The following TBC1D2 variants were observed in gnomAD, a reference collection of about 807,000 sequenced individuals.
The protein encoded by TBC1D2 is TBC1 domain family member 2.
In TBC1D2, 58 loss-of-function variants were observed where a neutral mutation model predicts 91.1. That is an observed-to-expected ratio of 0.64 (90% CI 0.52 to 0.79). TBC1D2 has a LOEUF of 0.79. Ranked by LOEUF, TBC1D2 falls within the 30% of genes least tolerant of loss-of-function variation. The pLI, the probability that TBC1D2 is intolerant of heterozygous loss-of-function variation, is 0.00. For synonymous variants in TBC1D2, 482 were observed against 511.5 expected, an observed-to-expected ratio of 0.94 and a Z score of 0.78; for missense variants, 1,080 against 1,208.3, an observed-to-expected ratio of 0.89 and a Z score of 1.57.
intron 5 of TBC1D2, among the ~76,000 whole-genome samples, chr9:98,225,452 G>C (rs1829208907): frequency 6.6e-6 from 1 of 152,298 alleles, no homozygotes; most frequent in Middle Eastern, 3.4e-3. Context: ...TTTGGTGCTT[G>C]TGTCTCATAG....
intron 3 of TBC1D2, among the ~76,000 whole-genome samples, chr9:98,233,981 T>A (rs1397209940): frequency 6.6e-6 from 1 of 152,188 alleles, no homozygotes; most frequent in African/African-American, 2.4e-5. Context: ...TTCATCTGGT[T>A]TCATAACTAT....
chr9:98,233,726 C>T (rs1829431793), intron 3 of TBC1D2, among the ~76,000 whole-genome samples, 177 bp from the exon 4 acceptor site: 1 of 152,204 alleles, frequency 6.6e-6, no homozygotes, highest in Admixed American at 6.5e-5. Context: ...CTCCCAATCT[C>T]CTTTACCTAT....
At chr9:98,255,112 T>C (rs918343867) in intron 1 of TBC1D2, 61 bp downstream of exon 1, 51 of 1,550,708 alleles carry the variant, frequency 3.3e-5, no homozygotes, top group Non-Finnish European at 4.1e-5. Context: ...GCGCCCAGCC[T>C]TGCCCTGCGA....
At chr9:98,242,220 C>T (rs1829655598) in intron 3 of TBC1D2, among the ~76,000 whole-genome samples, 1 of 151,880 alleles carries the variant, frequency 6.6e-6, no homozygotes, top group Admixed American at 6.6e-5. Context: ...GGTGGGCAAA[C>T]CACGAGGTCA....
At chr9:98,245,648 CAG>C (rs1278051865) in intron 2 of TBC1D2, among the ~76,000 whole-genome samples, 1 of 152,138 alleles carries the variant, frequency 6.6e-6, no homozygotes, top group Non-Finnish European at 1.5e-5. Flanking sequence ...GCAATCTTAA[CAG>C]TGGTTTGAGC....
intron 8 of TBC1D2, 113 bp downstream of exon 8, chr9:98,210,543 A>C: frequency 9.8e-7 from 1 of 1,021,412 alleles, no homozygotes. Context: ...TGAAGATCAG[A>C]GGAGGTAGTG....
intron 1 of TBC1D2, among the ~76,000 whole-genome samples, chr9:98,252,662 G>C (rs1299337627): frequency 6.6e-6 from 1 of 152,202 alleles, no homozygotes; most frequent in Non-Finnish European, 1.5e-5. Context: ...AGTTGCCCAG[G>C]CATGTGGTGG....
At chr9:98,249,213 G>T (rs1018447942) in intron 2 of TBC1D2, among the ~76,000 whole-genome samples, 14 of 152,176 alleles carry the variant, frequency 9.2e-5, no homozygotes, top group Admixed American at 2.0e-4. Flanking sequence ...GGCGAGGAAA[G>T]GTTTCAAGAG....
At position 98,235,134 on chromosome 9, in the gene TBC1D2, C is replaced by T. The variant is rs1053078439; in HGVS notation, c.648-1585G>A. On this transcript the variant is annotated intron_variant, in intron 3 of 12. Coordinates refer to ENST00000465784, the MANE Select transcript of TBC1D2 (RefSeq NM_001267571.2). ...CAGAGAATCGCTTGAACCCGGGAGG[C>T]GGAGGTTGCAGTGAGCTGAGATTAC... 12 of 229,818 alleles carry T rather than the reference C, an allele frequency of 5.2e-5. No homozygotes were observed. In the South Asian group the frequency reaches 6.3e-4, roughly 12 times the overall value. The allele number at this position is 229,818 out of a possible 1,614,324, so 14.2% of individuals were successfully genotyped here. A position where few individuals can be genotyped will look rare whatever the true frequency, so the allele number is the denominator to read the frequency against.
intron 3 of TBC1D2, among the ~76,000 whole-genome samples, chr9:98,241,384 G>A (rs904387181): frequency 6.6e-5 from 10 of 152,076 alleles, no homozygotes; most frequent in Non-Finnish European, 8.8e-5. Flanking sequence ...AGTATGACCC[G>A]GGTTCATGGC....
chr9:98,211,738 G>A (rs1192228445), intron 7 of TBC1D2, among the ~76,000 whole-genome samples: 1 of 151,374 alleles, frequency 6.6e-6, no homozygotes, highest in Non-Finnish European at 1.5e-5. Flanking sequence ...CCCACCTGGT[G>A]CCCACCTCTG....
chr9:98,234,533 C>T (rs1249439571), intron 3 of TBC1D2, among the ~76,000 whole-genome samples: 1 of 152,234 alleles, frequency 6.6e-6, no homozygotes, highest in Non-Finnish European at 1.5e-5. Flanking sequence ...TCATGACCAG[C>T]ATTTAAAAAA....
chr9:98,236,380 C>T (rs924964313), intron 3 of TBC1D2, among the ~76,000 whole-genome samples: 2 of 152,066 alleles, frequency 1.3e-5, no homozygotes, highest in Admixed American at 1.3e-4. Context: ...CCCACCACCA[C>T]ACACAGCTAA....
Position 98,221,212 on chromosome 9 carries a change from A to C in TBC1D2, c.995T>G (p.Leu332Arg). 1 of 1,547,682 alleles carries C rather than the reference A, an allele frequency of 6.5e-7. No homozygotes were observed. Among genetic ancestry groups the C allele is most frequent in the Non-Finnish European group, 8.7e-7 (1 of 1,143,838 alleles). ...CTGGGCGGCCTCCAGTGCCTTGTGCAGGATCTTCACTAGCTCCTGGGCAGG... is the reference window on the plus strand; with the variant it reads ...CTGGGCGGCCTCCAGTGCCTTGTGCCGGATCTTCACTAGCTCCTGGGCAGG... ...LKSQKELVKILHKALEAAQQE... is the reference protein window; with the variant it reads ...LKSQKELVKIRHKALEAAQQE... Residue 332 changes from leucine to arginine, a missense_variant, in exon 6 of 13, where the codon CTG becomes CGG. Leu to Arg is a moderately radical substitution (Grantham distance 102). Coordinates refer to ENST00000465784, the MANE Select transcript of TBC1D2 (RefSeq NM_001267571.2).
chr9:98,241,714 C>A (rs968067882), intron 3 of TBC1D2, among the ~76,000 whole-genome samples: 1 of 152,098 alleles, frequency 6.6e-6, no homozygotes, highest in Non-Finnish European at 1.5e-5. Flanking sequence ...CTTCTCAGGC[C>A]CCCTCTCTAC....
Position 98,201,562 on chromosome 9 carries a change from A to G in TBC1D2, c.2374T>C (p.Trp792Arg). ...HVDLSLVTFN[W>R]FLVVFADSLI... ...CTGTCCGCAAAGACCACGAGGAACC[A>G]GTTGAAGGTGACGAGGGAGAGATCC... The change falls in exon 11 of 13, where the codon TGG (tryptophan) becomes CGG (arginine). Residue 792 changes from tryptophan to arginine, a missense_variant. Trp to Arg is a moderately radical substitution (Grantham distance 101). Coordinates refer to ENST00000465784, the MANE Select transcript of TBC1D2 (RefSeq NM_001267571.2). The G allele has an allele frequency of 6.2e-7, 1 of 1,614,178 alleles. No homozygotes were observed. Among genetic ancestry groups the G allele is most frequent in the Non-Finnish European group, 8.5e-7 (1 of 1,180,022 alleles).
rs1358394726 is a variant in TBC1D2 at position 98,210,707 on chromosome 9, T to C, written c.1622A>G (p.Gln541Arg). The C allele has an allele frequency of 6.2e-7, 1 of 1,602,334 alleles. No individual in the cohort carries two copies. Among genetic ancestry groups the C allele is most frequent in the East Asian group, 2.3e-5 (1 of 44,196 alleles). ...AGATGAGGCCTCCCCAGCTTCCCAC[T>C]GCAGTGCCTCCTGGACAAGCTGCCT... is the stretch of plus-strand genomic sequence containing the variant. ...LLRQLVQEAL[Q>R]WEAGEASSDS... Residue 541 changes from glutamine to arginine, a missense_variant, in exon 8 of 13, where the codon CAG (glutamine) becomes CGG (arginine). Gln to Arg is a conservative substitution (Grantham distance 43). Transcript: ENST00000465784.
At chr9:98,209,751 C>T (rs1206525026) in intron 8 of TBC1D2, among the ~76,000 whole-genome samples, 63 of 98,702 alleles carry the variant, frequency 6.4e-4, no homozygotes, top group Admixed American at 2.8e-3. Context: ...CCTTTCCTTC[C>T]TTCCTTTCCT....
At chr9:98,205,341 C>T (rs960654574) in intron 9 of TBC1D2, among the ~76,000 whole-genome samples, 1 of 152,162 alleles carries the variant, frequency 6.6e-6, no homozygotes, top group African/African-American at 2.4e-5. Flanking sequence ...TGGCTGAATT[C>T]GAACCTAAGG....
Sources: allele counts gnomAD v4.1 joint callset (sites outside exome capture counted in the v4.1 genomes callset), GRCh38; gene constraint gnomAD v4.1.1; transcripts MANE v1.5; gene names NCBI Gene and HGNC (gene_info 2026-07-23, HGNC 2026-07-21).